Variants in PARP8 observed in about 807,000 individuals in gnomAD.
PARP8 encodes the protein poly(ADP-ribose) polymerase family member 8, also known as protein mono-ADP-ribosyltransferase PARP8.
In PARP8, 51 loss-of-function variants were observed where a neutral mutation model predicts 124.1. That is an observed-to-expected ratio of 0.41 (90% CI 0.33 to 0.52). The LOEUF is 0.52. Ranked by LOEUF, PARP8 falls within the 20% of genes least tolerant of loss-of-function variation. The probability of loss-of-function intolerance (pLI) is 0.21; values close to 1 mark genes in which losing one functional copy is unlikely to be tolerated. For synonymous variants in PARP8, 391 were observed against 361.5 expected, an observed-to-expected ratio of 1.08 and a Z score of -0.93; for missense variants, 860 against 1,018.9, an observed-to-expected ratio of 0.84 and a Z score of 2.12.
Position 50,844,804 on chromosome 5 carries a change from C to A in PARP8, c.*2736C>A, listed in dbSNP as rs1748493601. On this transcript the variant is annotated 3_prime_UTR_variant, in exon 26 of 26. Coordinates refer to ENST00000281631, the MANE Select transcript of PARP8 (RefSeq NM_024615.4). ...TTACTATGAATAATCTGTTCTCTTT[C>A]ACTGTATTAAAAGGAGAAGAAAATG... 2 of 151,520 alleles carry A rather than the reference C, an allele frequency of 1.3e-5. No homozygotes were observed. The highest frequency in any genetic ancestry group is 3.0e-5 in the Non-Finnish European group (2 of 67,686). 9.4% of individuals were successfully genotyped at this position (151,520 alleles called of 1,614,324 possible). A position where few individuals can be genotyped will look rare whatever the true frequency, so the allele number is the denominator to read the frequency against.
intron 15 of PARP8, among the ~76,000 whole-genome samples, chr5:50,817,699 G>A (rs1745258087): frequency 1.3e-5 from 2 of 152,068 alleles, no homozygotes; most frequent in African/African-American, 4.8e-5. Context: ...ACAATGATTG[G>A]TTTATAATTC....
rs34347134 is a variant in PARP8 at position 50,819,427 on chromosome 5, C to CTTTTTTTTTT, written c.1669-1765_1669-1756dup. 6.6e-4 allele frequency among the ~76,000 whole-genome samples: 31 copies of CTTTTTTTTTT among 46,652 alleles called. 2 individuals carry two copies. The highest frequency in any genetic ancestry group is 1.7e-3 in the African/African-American group (18 of 10,584). 30.6% of individuals were successfully genotyped at this position (46,652 alleles called of 152,430 possible). On this transcript the variant is annotated intron_variant, in intron 15 of 25. Transcript: ENST00000281631. ...GTCTCAGAAAAGGCTATTTTATCTTCTTTTTTTTTTTTTTTTTTTTTTTTT... is the reference window on the plus strand; with the variant it reads ...GTCTCAGAAAAGGCTATTTTATCTTCTTTTTTTTTTTTTTTTTTTTTTTTTTTTTTTTTTT...
At chr5:50,766,868 G>A (rs1761104485) in intron 7 of PARP8, among the ~76,000 whole-genome samples, 1 of 152,072 alleles carries the variant, frequency 6.6e-6, no homozygotes, top group Non-Finnish European at 1.5e-5. Context: ...AACAAAAATG[G>A]TAAATGAAAG....
chr5:50,760,453 A>G lies in PARP8; in HGVS notation c.345+91A>G, dbSNP rs1760435407. On this transcript the variant is annotated intron_variant, in intron 5 of 25. Transcript: ENST00000281631. ...TGTAGTTAATAGCATCATTAGTGAGACTAAAATGGTATATGGTGAATGAAA... is the reference window on the plus strand; with the variant it reads ...TGTAGTTAATAGCATCATTAGTGAGGCTAAAATGGTATATGGTGAATGAAA... 1.7e-5 allele frequency: 18 copies of G among 1,031,844 alleles called. No homozygotes were observed. The South Asian group carries it at 4.2e-4, about 24-fold the overall frequency. The allele number at this position is 1,031,844 out of a possible 1,614,324, so 63.9% of individuals were successfully genotyped here. A position where few individuals can be genotyped will look rare whatever the true frequency, so the allele number is the denominator to read the frequency against.
chr5:50,759,280 C>T (rs1207524708), intron 3 of PARP8, among the ~76,000 whole-genome samples: 4 of 152,076 alleles, frequency 2.6e-5, no homozygotes, highest in Non-Finnish European at 5.9e-5. Flanking sequence ...TCTCCACTCA[C>T]TAACCCTGCT....
At chr5:50,820,208 A>C (rs1324715877) in intron 15 of PARP8, among the ~76,000 whole-genome samples, 2 of 152,156 alleles carry the variant, frequency 1.3e-5, no homozygotes, top group Non-Finnish European at 2.9e-5. Context: ...ATTAGGTCAC[A>C]ATACTCCTCT....
chr5:50,703,543 A>G (rs577427924), intron 2 of PARP8, among the ~76,000 whole-genome samples: 28 of 152,220 alleles, frequency 1.8e-4, no homozygotes, highest in African/African-American at 6.5e-4. Context: ...ATCATTCCAC[A>G]CATACTTATT....
rs140684775 is a variant in PARP8 at position 50,800,361 on chromosome 5, A to G, written c.1575+3128A>G. Among the ~76,000 whole-genome samples the G allele has an allele frequency of 5.5e-3, 843 of 152,300 alleles. 7 individuals are homozygous for G. Among genetic ancestry groups the G allele is most frequent in the African/African-American group, 0.019 (789 of 41,558 alleles). ...ATTCTTTGTTTCTCTATATAAAATT[A>G]TGTCTCTTGCAAATAGAGTTTCACT... is the stretch of plus-strand genomic sequence containing the variant. On this transcript the variant is annotated intron_variant, in intron 14 of 25. Coordinates refer to ENST00000281631, the MANE Select transcript of PARP8 (RefSeq NM_024615.4).
At chr5:50,669,703 A>G (rs1014111700) in intron 2 of PARP8, among the ~76,000 whole-genome samples, 3 of 152,228 alleles carry the variant, frequency 2.0e-5, no homozygotes, top group Non-Finnish European at 2.9e-5. Context: ...AGGTGTTGGG[A>G]TGAATAATTA....
At position 50,696,991 on chromosome 5, in the gene PARP8, G is replaced by C. The variant is rs539466060; in HGVS notation, c.146+28866G>C. On this transcript the variant is annotated intron_variant, in intron 2 of 25. Transcript: ENST00000281631. ...ACATTAAGAAGAATGAGTCTGTGCCGGGCGGGGTGGCTCATGCCTGTAATC... is the reference window on the plus strand; with the variant it reads ...ACATTAAGAAGAATGAGTCTGTGCCCGGCGGGGTGGCTCATGCCTGTAATC... 2.6e-5 allele frequency among the ~76,000 whole-genome samples: 4 copies of C among 152,190 alleles called. No individual in the cohort carries two copies. The East Asian group carries it at 7.7e-4, about 29-fold the overall frequency.
At chr5:50,787,182 G>A (rs1741353920) in intron 9 of PARP8, among the ~76,000 whole-genome samples, 1 of 152,056 alleles carries the variant, frequency 6.6e-6, no homozygotes, top group African/African-American at 2.4e-5. Flanking sequence ...AATCCAAAAT[G>A]TTCATCACCT....
chr5:50,696,802 A>C (rs1753078749), intron 2 of PARP8, among the ~76,000 whole-genome samples: 1 of 152,004 alleles, frequency 6.6e-6, no homozygotes. Flanking sequence ...CTTCTTTCTT[A>C]ATTGACTGTA....
At chr5:50,733,766 G>T (rs1462300348) in intron 2 of PARP8, among the ~76,000 whole-genome samples, 1 of 151,870 alleles carries the variant, frequency 6.6e-6, no homozygotes, top group African/African-American at 2.4e-5. Context: ...GTCATGTGAG[G>T]CTTCATTTTA....
At chr5:50,722,470 C>T (rs1356061646) in intron 2 of PARP8, among the ~76,000 whole-genome samples, 1 of 151,996 alleles carries the variant, frequency 6.6e-6, no homozygotes, top group Non-Finnish European at 1.5e-5. Flanking sequence ...GCCTGGGTCC[C>T]TCAGTGACTG....
At chr5:50,696,340 A>G (rs983184016) in intron 2 of PARP8, among the ~76,000 whole-genome samples, 14 of 152,204 alleles carry the variant, frequency 9.2e-5, no homozygotes, top group African/African-American at 3.4e-4. Context: ...GGTAACTGAA[A>G]AATTGTCCCA....
At chr5:50,690,733 G>T (rs1044622641) in intron 2 of PARP8, among the ~76,000 whole-genome samples, 13 of 152,060 alleles carry the variant, frequency 8.5e-5, no homozygotes, top group Admixed American at 6.6e-5. Context: ...ACTCAACAGT[G>T]GCAATTGATA....
At chr5:50,707,691 T>TG (rs1165341067) in intron 2 of PARP8, among the ~76,000 whole-genome samples, 1 of 151,552 alleles carries the variant, frequency 6.6e-6, no homozygotes, top group Non-Finnish European at 1.5e-5. Flanking sequence ...CTGCTTTTAT[T>TG]GGCATGCAGT....
At chr5:50,792,669 T>C (rs1050467120) in intron 10 of PARP8, among the ~76,000 whole-genome samples, 23 of 152,116 alleles carry the variant, frequency 1.5e-4, no homozygotes, top group African/African-American at 5.1e-4. Context: ...TAAATCCTGC[T>C]GAAATTTTGG....
intron 2 of PARP8, among the ~76,000 whole-genome samples, chr5:50,710,466 A>G (rs944211001): frequency 1.3e-5 from 2 of 152,078 alleles, no homozygotes; most frequent in African/African-American, 4.8e-5. Flanking sequence ...TCTTATTTAT[A>G]TCTTTTTTTA....
Sources: gnomAD v4.1 joint callset for allele counts (sites outside exome capture counted in the v4.1 genomes callset) on GRCh38, gnomAD v4.1.1 for gene constraint, MANE v1.5 for transcripts, NCBI Gene and HGNC (gene_info 2026-07-23, HGNC 2026-07-21) for gene names.